The following GRID2 variants were observed in gnomAD, a reference collection of about 807,000 sequenced individuals.
GRID2 encodes the protein glutamate receptor ionotropic, delta-2.
In GRID2, 33 loss-of-function variants were observed where a neutral mutation model predicts 114.8. The observed-to-expected ratio is 0.29, with a 90% CI of 0.22 to 0.38. The LOEUF (loss-of-function observed/expected upper bound fraction) is 0.38. Ranked by LOEUF, GRID2 falls within the 10% of genes least tolerant of loss-of-function variation. The probability of loss-of-function intolerance (pLI) is 1.00; values close to 1 mark genes in which losing one functional copy is unlikely to be tolerated. For missense variants in GRID2, 1,184 were observed against 1,257.7 expected (o/e 0.94, Z 0.89); for synonymous variants, 505 against 449.9 (o/e 1.12, Z -1.55).
intron 13 of GRID2, among the ~76,000 whole-genome samples, chr4:93,587,400 T>G (rs1737651194): frequency 6.6e-6 from 1 of 152,158 alleles, no homozygotes; most frequent in Non-Finnish European, 1.5e-5. Flanking sequence ...TTGAGATACT[T>G]GCAGCAATAA....
chr4:92,499,907 G>C (rs149451247), intron 1 of GRID2, among the ~76,000 whole-genome samples: 1,604 of 152,334 alleles, frequency 0.011, 10 homozygotes, highest in South Asian at 0.021. Flanking sequence ...GCGCCATTGC[G>C]CCTGGCCTAT....
intron 1 of GRID2, among the ~76,000 whole-genome samples, chr4:92,447,604 A>G (rs1733539038): frequency 1.3e-5 from 2 of 152,240 alleles, no homozygotes; most frequent in Non-Finnish European, 2.9e-5. Flanking sequence ...ACAAAATATC[A>G]TAAACTCGAT....
chr4:93,293,934 A>G (rs1445121066), intron 8 of GRID2, among the ~76,000 whole-genome samples: 1 of 152,218 alleles, frequency 6.6e-6, no homozygotes, highest in Admixed American at 6.5e-5. Context: ...GACAGAAACT[A>G]AGTGAACACA....
intron 1 of GRID2, among the ~76,000 whole-genome samples, chr4:92,420,000 G>A (rs1731819363): frequency 1.3e-5 from 2 of 152,038 alleles, no homozygotes; most frequent in Admixed American, 1.3e-4. Context: ...GATATTTTCA[G>A]CATGAATTAG....
intron 2 of GRID2, among the ~76,000 whole-genome samples, chr4:93,022,401 G>T (rs966449154): frequency 4.6e-5 from 7 of 151,628 alleles, no homozygotes; most frequent in Non-Finnish European, 7.4e-5. Flanking sequence ...GTGGAATACT[G>T]TAATTTATTT....
At chr4:93,110,987 C>T (rs899288722) in intron 4 of GRID2, 34 bp downstream of exon 4, 3 of 1,353,198 alleles carry the variant, frequency 2.2e-6, no homozygotes, top group Non-Finnish European at 2.1e-6. Flanking sequence ...GAGAGTTGTA[C>T]AAAACAATTA....
At chr4:93,290,428 A>C (rs1044987379) in intron 8 of GRID2, among the ~76,000 whole-genome samples, 4 of 152,298 alleles carry the variant, frequency 2.6e-5, no homozygotes, top group Admixed American at 6.5e-5. Flanking sequence ...AGGTCACTAA[A>C]ATCTCAACCT....
At chr4:93,231,510 T>C (rs1746145252) in intron 7 of GRID2, among the ~76,000 whole-genome samples, 1 of 151,822 alleles carries the variant, frequency 6.6e-6, no homozygotes, top group Non-Finnish European at 1.5e-5. Context: ...TAGGATACTG[T>C]AGAATCTTAG....
chr4:93,350,337 C>T (rs1428926375), intron 8 of GRID2, among the ~76,000 whole-genome samples: 1 of 152,056 alleles, frequency 6.6e-6, no homozygotes, highest in Non-Finnish European at 1.5e-5. Context: ...ACTTTTAGTT[C>T]CTAGAAGATA....
chr4:93,375,734 C>A (rs1488971235), intron 8 of GRID2, among the ~76,000 whole-genome samples: 1 of 152,178 alleles, frequency 6.6e-6, no homozygotes, highest in Non-Finnish European at 1.5e-5. Flanking sequence ...AACTCTACCT[C>A]AGGTTAATCA....
intron 2 of GRID2, among the ~76,000 whole-genome samples, chr4:92,954,123 C>T (rs145014538): frequency 9.2e-5 from 14 of 151,484 alleles, no homozygotes; most frequent in Admixed American, 6.6e-4. Context: ...AGCACAAGGT[C>T]GAAAGCACAT....
At chr4:92,796,503 T>C (rs758706534) in intron 2 of GRID2, among the ~76,000 whole-genome samples, 1 of 151,942 alleles carries the variant, frequency 6.6e-6, no homozygotes, top group Non-Finnish European at 1.5e-5. Flanking sequence ...ATCCTGATCA[T>C]AAACCCAACT....
rs1225985690 is a variant in GRID2, at chr4:92,448,470, G to C, written c.89-141661G>C. The stretch of plus-strand genomic sequence containing the variant: ...GCATGAGCCACCATACCCAGCCCGA[G>C]TAGTATTGATTTTTAAAGTAAATTT... On this transcript the variant is annotated intron_variant, in intron 1 of 15. Transcript: ENST00000282020. 2.0e-5 allele frequency among the ~76,000 whole-genome samples: 3 copies of C among 151,990 alleles called. No individual in the cohort carries two copies. The East Asian group carries it at 5.8e-4, about 29-fold the overall frequency.
At chr4:92,984,484 C>T (rs1400207379) in intron 2 of GRID2, among the ~76,000 whole-genome samples, 1 of 152,228 alleles carries the variant, frequency 6.6e-6, no homozygotes, top group Non-Finnish European at 1.5e-5. Flanking sequence ...GTGTCTTGGA[C>T]ACAGTACAGT....
At chr4:93,125,163 C>T (rs1353939580) in intron 4 of GRID2, among the ~76,000 whole-genome samples, 8 of 151,906 alleles carry the variant, frequency 5.3e-5, no homozygotes, top group South Asian at 2.1e-4. Context: ...TTAAAATTCA[C>T]GTTAGACCTG....
intron 4 of GRID2, among the ~76,000 whole-genome samples, chr4:93,195,289 G>A (rs1251734059): frequency 1.3e-5 from 2 of 152,148 alleles, no homozygotes; most frequent in African/African-American, 4.8e-5. Context: ...GAACATGAGA[G>A]AGGGTAAGGA....
intron 2 of GRID2, among the ~76,000 whole-genome samples, chr4:92,812,509 A>G (rs1408775895): frequency 6.6e-6 from 1 of 152,084 alleles, no homozygotes; most frequent in African/African-American, 2.4e-5. Flanking sequence ...CAAATTTTAC[A>G]TGTATATTTT....
intron 2 of GRID2, among the ~76,000 whole-genome samples, chr4:92,596,783 T>G (rs1258341062): frequency 6.6e-6 from 1 of 152,030 alleles, no homozygotes; most frequent in East Asian, 1.9e-4. Flanking sequence ...AGAACCTAAT[T>G]TTGAGATTAC....
intron 2 of GRID2, among the ~76,000 whole-genome samples, chr4:92,815,450 A>G (rs1323842630): frequency 6.6e-6 from 1 of 152,168 alleles, no homozygotes; most frequent in Non-Finnish European, 1.5e-5. Flanking sequence ...CAGCTAGTTA[A>G]AAACATAAGT....
Sources: allele counts gnomAD v4.1 joint callset (sites outside exome capture counted in the v4.1 genomes callset), GRCh38; gene constraint gnomAD v4.1.1; transcripts MANE v1.5; gene names NCBI Gene and HGNC (gene_info 2026-07-23, HGNC 2026-07-21).